The following PIGL variants were observed in gnomAD, a reference collection of about 807,000 sequenced individuals.
PIGL encodes phosphatidylinositol glycan anchor biosynthesis class L, also known as N-acetylglucosaminyl-phosphatidylinositol de-N-acetylase.
Under a neutral mutation model 31.1 loss-of-function variants are expected in PIGL, and 22 were observed. The observed-to-expected ratio is 0.71, with a 90% CI of 0.51 to 1.01. The LOEUF (loss-of-function observed/expected upper bound fraction) is 1.01, where lower values mean the gene tolerates loss of function less well. Ranked by LOEUF, PIGL falls within the 50% of genes least tolerant of loss-of-function variation. The pLI is 0.00. For missense variants in PIGL, 302 were observed against 315.9 expected, an observed-to-expected ratio of 0.96 and a Z score of 0.33; for synonymous variants, 131 against 117.4, an observed-to-expected ratio of 1.12 and a Z score of -0.75.
intron 1 of PIGL, among the ~76,000 whole-genome samples, chr17:16,224,401 G>C (rs2092642680): frequency 6.6e-6 from 1 of 151,778 alleles, no homozygotes; most frequent in Non-Finnish European, 1.5e-5. Context: ...CCGCCTCCTG[G>C]ATTCAAGTGA....
intron 2 of PIGL, among the ~76,000 whole-genome samples, chr17:16,240,390 C>T (rs2092717708): frequency 1.3e-5 from 2 of 152,096 alleles, no homozygotes; most frequent in South Asian, 2.1e-4. Flanking sequence ...TGAACCCAGG[C>T]TGGTTTGGAA....
intron 6 of PIGL, among the ~76,000 whole-genome samples, chr17:16,320,436 G>A (rs1487969257): frequency 6.4e-5 from 7 of 110,136 alleles, no homozygotes; most frequent in African/African-American, 2.9e-4. Context: ...AGGGAGGGAG[G>A]GAAGGAAAGA....
chr17:16,323,609 C>CTTTTTT (rs34518917), intron 6 of PIGL, among the ~76,000 whole-genome samples: 1 of 96,822 alleles, frequency 1.0e-5, no homozygotes, highest in Non-Finnish European at 2.0e-5. Context: ...TAACACTGAT[C>CTTTTTT]TTTTTTTTTT....
intron 2 of PIGL, among the ~76,000 whole-genome samples, chr17:16,290,539 G>A (rs2092956183): frequency 6.6e-6 from 1 of 151,798 alleles, no homozygotes; most frequent in African/African-American, 2.4e-5. Context: ...GACTACAGGT[G>A]CATGCCACTG....
At chr17:16,272,543 T>C (rs1181501359) in intron 2 of PIGL, among the ~76,000 whole-genome samples, 1 of 152,250 alleles carries the variant, frequency 6.6e-6, no homozygotes, top group Admixed American at 6.5e-5. Context: ...CCAAGTATTA[T>C]CTACATGCAT....
intron 2 of PIGL, among the ~76,000 whole-genome samples, chr17:16,248,078 G>A (rs1429153540): frequency 6.6e-6 from 1 of 152,094 alleles, no homozygotes; most frequent in African/African-American, 2.4e-5. Context: ...AGTAGAGACG[G>A]GGTTTCAGCA....
At chr17:16,295,288 C>T (rs117323751) in intron 2 of PIGL, among the ~76,000 whole-genome samples, 3,052 of 151,516 alleles carry the variant, frequency 0.02, 58 homozygotes, top group Non-Finnish European at 0.029. Context: ...CCTGTAATCC[C>T]GATTACTGAC....
intron 2 of PIGL, among the ~76,000 whole-genome samples, chr17:16,236,977 AC>A (rs942118728): frequency 1.3e-5 from 2 of 151,444 alleles, no homozygotes; most frequent in Admixed American, 1.3e-4. Flanking sequence ...TCTCACTGTT[AC>A]CCAGGGTGGA....
chr17:16,218,413 A>AAGAG, intron 1 of PIGL, among the ~76,000 whole-genome samples: 1 of 152,318 alleles, frequency 6.6e-6, no homozygotes, highest in Non-Finnish European at 1.5e-5. Context: ...AAAGCTAGAT[A>AAGAG]AGAGCAGTGT....
intron 2 of PIGL, among the ~76,000 whole-genome samples, chr17:16,279,152 G>A (rs2142787957): frequency 6.6e-6 from 1 of 152,302 alleles, no homozygotes; most frequent in East Asian, 1.9e-4. Context: ...GGGTTCACCT[G>A]GAAGATGTTA....
At position 16,317,814 on chromosome 17, in the gene PIGL, G is replaced by A. The variant is rs749470498; in HGVS notation, c.566G>A (p.Arg189His). ...ACGCTTCAGTCTGTGAATGTGCTGC[G>A]CAAGTACATCTCCCTTCTGGATCTG... ...VLTLQSVNVL[R>H]KYISLLDLPL... The change falls in exon 6 of 7, where the codon CGC becomes CAC. Residue 189 changes from arginine (R) to histidine (H), a missense_variant. Arg to His is a conservative substitution (Grantham distance 29, BLOSUM62 0). Coordinates refer to ENST00000225609, the MANE Select transcript of PIGL (RefSeq NM_004278.4). 84 of 1,613,926 alleles carry A rather than the reference G, an allele frequency of 5.2e-5. No homozygotes were observed. Among genetic ancestry groups the A allele is most frequent in the Middle Eastern group, 1.7e-4 (1 of 5,998 alleles).
chr17:16,285,569 C>CA (rs572923923), intron 2 of PIGL, among the ~76,000 whole-genome samples: 9,234 of 136,846 alleles, frequency 0.067, 406 homozygotes, highest in African/African-American at 0.14. Context: ...GCTCTGTCTC[C>CA]AAAAAAAAAA....
chr17:16,315,996 C>T (rs1033421256), intron 4 of PIGL, among the ~76,000 whole-genome samples: 2 of 152,048 alleles, frequency 1.3e-5, no homozygotes, highest in African/African-American at 4.8e-5. Flanking sequence ...GCGCCCGGCT[C>T]CTTTTTCAGG....
At chr17:16,284,600 A>T (rs1047696565) in intron 2 of PIGL, among the ~76,000 whole-genome samples, 1 of 152,130 alleles carries the variant, frequency 6.6e-6, no homozygotes, top group African/African-American at 2.4e-5. Flanking sequence ...GGATCAGCTG[A>T]CACCACCCAG....
chr17:16,286,928 A>C (rs924996748), intron 2 of PIGL, among the ~76,000 whole-genome samples: 5 of 152,134 alleles, frequency 3.3e-5, no homozygotes, highest in African/African-American at 7.2e-5. Context: ...CAGCAGTCCG[A>C]ACCTCTGCCT....
chr17:16,256,325 GTT>G (rs536151323), intron 2 of PIGL, among the ~76,000 whole-genome samples: 13 of 151,384 alleles, frequency 8.6e-5, no homozygotes, highest in African/African-American at 2.4e-4. Context: ...AATATTGAGG[GTT>G]TTTTTGTTGT....
chr17:16,307,038 GA>G (rs1288996095), intron 3 of PIGL, among the ~76,000 whole-genome samples: 1 of 152,210 alleles, frequency 6.6e-6, no homozygotes, highest in African/African-American at 2.4e-5. Context: ...AGAGGGAAAT[GA>G]AAGCGAGAGG....
At chr17:16,223,199 C>T (rs1030822660) in intron 1 of PIGL, among the ~76,000 whole-genome samples, 1 of 152,088 alleles carries the variant, frequency 6.6e-6, no homozygotes, top group African/African-American at 2.4e-5. Context: ...CACTAAAATA[C>T]CTACTAATAG....
intron 1 of PIGL, among the ~76,000 whole-genome samples, chr17:16,231,451 G>T (rs1013093711): frequency 6.6e-6 from 1 of 151,526 alleles, no homozygotes; most frequent in East Asian, 1.9e-4. Context: ...TGTTGACCAG[G>T]CTGGTTTTGA....
Sources: allele counts gnomAD v4.1 joint callset (sites outside exome capture counted in the v4.1 genomes callset), GRCh38; gene constraint gnomAD v4.1.1; transcripts MANE v1.5; gene names NCBI Gene and HGNC (gene_info 2026-07-23, HGNC 2026-07-21).